GRID2: variants seen among roughly 807,000 people sequenced by gnomAD.
The protein encoded by GRID2 is glutamate receptor ionotropic, delta-2.
In GRID2, 33 loss-of-function variants were observed where a neutral mutation model predicts 114.8. The ratio of observed to expected loss-of-function variants is 0.29; its 90% confidence interval spans 0.22 to 0.38. The LOEUF (loss-of-function observed/expected upper bound fraction) is 0.38, where lower values mean the gene tolerates loss of function less well. Ranked by LOEUF, GRID2 falls within the 10% of genes least tolerant of loss-of-function variation. The pLI is 1.00. For synonymous variants in GRID2, 505 were observed against 449.9 expected (o/e 1.12, Z -1.55); for missense variants, 1,184 against 1,257.7 (o/e 0.94, Z 0.89).
intron 8 of GRID2, among the ~76,000 whole-genome samples, chr4:93,286,928 A>G (rs541681299): frequency 6.6e-6 from 1 of 152,268 alleles, no homozygotes; most frequent in South Asian, 2.1e-4. Context: ...ATAATATTAT[A>G]CAATCAGTGT....
At chr4:93,282,824 T>C (rs764367968) in intron 8 of GRID2, among the ~76,000 whole-genome samples, 3 of 152,042 alleles carry the variant, frequency 2.0e-5, no homozygotes, top group Non-Finnish European at 2.9e-5. Context: ...GGTGAGGGGC[T>C]CAGGAAGTTT....
intron 1 of GRID2, among the ~76,000 whole-genome samples, chr4:92,416,031 A>T (rs959090678): frequency 2.6e-5 from 4 of 151,710 alleles, no homozygotes; most frequent in Non-Finnish European, 5.9e-5. Flanking sequence ...AGCAGTTTAA[A>T]AGTGTTCTCT....
chr4:93,485,075 C>T (rs1469171141), intron 11 of GRID2, among the ~76,000 whole-genome samples: 1 of 151,834 alleles, frequency 6.6e-6, no homozygotes, highest in Non-Finnish European at 1.5e-5. Flanking sequence ...CATGTCCTTG[C>T]CAACACTTGC....
chr4:92,307,702 ATTAC>A (rs146581295), intron 1 of GRID2, among the ~76,000 whole-genome samples: 2,801 of 152,318 alleles, frequency 0.018, 31 homozygotes, highest in South Asian at 0.031. Context: ...CAATTTTATG[ATTAC>A]TTTGAGTTTC....
At chr4:92,990,059 CAAAAT>C (rs759221379) in intron 2 of GRID2, among the ~76,000 whole-genome samples, 4 of 151,908 alleles carry the variant, frequency 2.6e-5, no homozygotes, top group African/African-American at 9.7e-5. Flanking sequence ...AGTAATCAAA[CAAAAT>C]AAAGACATTT....
chr4:92,713,533 C>A (rs1049687113), intron 2 of GRID2, among the ~76,000 whole-genome samples: 25 of 103,310 alleles, frequency 2.4e-4, no homozygotes, highest in African/African-American at 9.6e-4. Flanking sequence ...AAAATTAGGT[C>A]TTGGATAGTG....
intron 2 of GRID2, among the ~76,000 whole-genome samples, chr4:92,593,165 G>A (rs1728784965): frequency 6.6e-6 from 1 of 151,974 alleles, no homozygotes. Context: ...CCCTCTGCCT[G>A]TTTATTCAAA....
chr4:92,542,271 C>T (rs1336592818), intron 1 of GRID2, among the ~76,000 whole-genome samples: 1 of 151,878 alleles, frequency 6.6e-6, no homozygotes, highest in Non-Finnish European at 1.5e-5. Context: ...CTTGAGCACA[C>T]CACTACACTC....
At chr4:93,599,789 CA>C (rs1162545680) in intron 13 of GRID2, among the ~76,000 whole-genome samples, 3 of 152,112 alleles carry the variant, frequency 2.0e-5, no homozygotes, top group Non-Finnish European at 4.4e-5. Flanking sequence ...AGTCCACACA[CA>C]GATCAAGACA....
intron 1 of GRID2, among the ~76,000 whole-genome samples, chr4:92,533,486 C>A (rs1047412403): frequency 7.4e-6 from 1 of 134,438 alleles, no homozygotes; most frequent in African/African-American, 3.0e-5. Context: ...CATACATACA[C>A]ACACAGGGTA....
chr4:92,509,381 C>T (rs1724129016), intron 1 of GRID2, among the ~76,000 whole-genome samples: 1 of 151,908 alleles, frequency 6.6e-6, no homozygotes, highest in Non-Finnish European at 1.5e-5. Context: ...TCTTAATCAG[C>T]AAACAACTAT....
chr4:92,620,919 G>GT (rs1730242001), intron 2 of GRID2, among the ~76,000 whole-genome samples: 1 of 148,002 alleles, frequency 6.8e-6, no homozygotes, highest in Non-Finnish European at 1.5e-5. Flanking sequence ...TTGTGCACAT[G>GT]TACCCTAAAA....
At chr4:92,998,437 A>G (rs530521932) in intron 2 of GRID2, among the ~76,000 whole-genome samples, 137 of 152,132 alleles carry the variant, frequency 9.0e-4, no homozygotes, top group African/African-American at 3.2e-3. Context: ...TCGAAATTTA[A>G]TTGAGGCTAT....
chr4:93,512,228 G>A (rs1729264127), intron 12 of GRID2, among the ~76,000 whole-genome samples: 1 of 152,044 alleles, frequency 6.6e-6, no homozygotes, highest in Non-Finnish European at 1.5e-5. Context: ...CAATGATTAG[G>A]CATGTCTAAA....
At chr4:93,059,604 C>T (rs751108158) in intron 2 of GRID2, among the ~76,000 whole-genome samples, 5 of 151,970 alleles carry the variant, frequency 3.3e-5, no homozygotes, top group Non-Finnish European at 7.4e-5. Flanking sequence ...GATTTGGACA[C>T]TTTATGTATT....
rs1245339279 is a variant in GRID2 at position 92,648,763 on chromosome 4, T to A, written c.244+58477T>A. Among the ~76,000 whole-genome samples, 3 of 148,884 alleles carry A rather than the reference T, an allele frequency of 2.0e-5. 1 individual carries two copies. The highest frequency in any genetic ancestry group is 4.5e-5 in the Non-Finnish European group (3 of 67,410). On this transcript the variant is annotated intron_variant, in intron 2 of 15. Transcript: ENST00000282020. ...GTATGATTTAGAGTTAAAACTTTAG[T>A]TCCCATTTGATTATTGCACTTGATT...
intron 2 of GRID2, among the ~76,000 whole-genome samples, chr4:92,636,181 C>T (rs2149249831): frequency 6.6e-6 from 1 of 152,064 alleles, no homozygotes; most frequent in South Asian, 2.1e-4. Flanking sequence ...GCTTGAATTA[C>T]TATTTCGTTG....
chr4:93,666,763 T>C (rs1048240710), intron 14 of GRID2, among the ~76,000 whole-genome samples: 1 of 152,048 alleles, frequency 6.6e-6, no homozygotes, highest in African/African-American at 2.4e-5. Context: ...TAAGACTAAG[T>C]AGCTTCTCAG....
intron 2 of GRID2, among the ~76,000 whole-genome samples, chr4:92,908,499 T>C (rs1271748446): frequency 6.6e-6 from 1 of 150,486 alleles, no homozygotes; most frequent in African/African-American, 2.5e-5. Flanking sequence ...GAGGCGGAGC[T>C]TGCAGTGAGT....
Sources: gnomAD v4.1 joint callset for allele counts (sites outside exome capture counted in the v4.1 genomes callset) on GRCh38, gnomAD v4.1.1 for gene constraint, MANE v1.5 for transcripts, NCBI Gene and HGNC (gene_info 2026-07-23, HGNC 2026-07-21) for gene names.